Variants in CMSS1 observed in about 807,000 individuals in gnomAD.
CMSS1 encodes cms1 ribosomal small subunit homolog, also known as protein CMSS1.
Under a neutral mutation model 43.5 loss-of-function variants are expected in CMSS1, and 33 were observed. The observed-to-expected ratio is 0.76, with a 90% CI of 0.57 to 1.01. The LOEUF (loss-of-function observed/expected upper bound fraction) is 1.01. Among genes scored for constraint, CMSS1 ranks in the 50% least tolerant of loss-of-function variants. The probability of loss-of-function intolerance (pLI) is 0.00; values close to 1 mark genes in which losing one functional copy is unlikely to be tolerated. For synonymous variants in CMSS1, 115 were observed against 117.2 expected, an observed-to-expected ratio of 0.98 and a Z score of 0.12; for missense variants, 313 against 326.4, an observed-to-expected ratio of 0.96 and a Z score of 0.32.
intron 1 of CMSS1, among the ~76,000 whole-genome samples, chr3:100,074,212 A>G (rs1036835440): frequency 6.6e-6 from 1 of 152,146 alleles, no homozygotes; most frequent in African/African-American, 2.4e-5. Context: ...AGAGCTCTAA[A>G]TCTGACAGCC....
intron 1 of CMSS1, chr3:99,924,369 G>A (rs757041273): frequency 3.0e-5 from 48 of 1,613,916 alleles, no homozygotes; most frequent in Non-Finnish European, 3.1e-5. Context: ...CCCAGGATTC[G>A]TCTGTAAGAT....
At chr3:100,154,509 T>C (rs1176955384) in intron 2 of CMSS1, among the ~76,000 whole-genome samples, 1 of 152,264 alleles carries the variant, frequency 6.6e-6, no homozygotes, top group Non-Finnish European at 1.5e-5. Flanking sequence ...GGCCTTTTAA[T>C]GTTTGACATT....
At chr3:100,109,247 C>T (rs960527247) in intron 1 of CMSS1, among the ~76,000 whole-genome samples, 1 of 151,984 alleles carries the variant, frequency 6.6e-6, no homozygotes, top group Non-Finnish European at 1.5e-5. Flanking sequence ...TGAAAATCTG[C>T]AAGAATTCCA....
chr3:100,066,517 CTTTTTTTTTTTTTTTT>C (rs545356638), intron 1 of CMSS1, among the ~76,000 whole-genome samples: 1 of 38,304 alleles, frequency 2.6e-5, no homozygotes, highest in Non-Finnish European at 4.4e-5. Context: ...GGCTTTGCTT[CTTTTTTTTTTTTTTTT>C]TTTTTTTTTT....
In CMSS1 at chr3:99,983,389, A is replaced by AATATGT. The variant is rs1553702701; in HGVS notation, c.65-163580_65-163579insGTATAT. ...TCTCTACTTAAAAAATAAATAAATAAATATATATATATATATATATATATA... is the reference window on the plus strand; with the variant it reads ...TCTCTACTTAAAAAATAAATAAATAAATATGTATATATATATATATATATATATATA... On this transcript the variant is annotated intron_variant, in intron 1 of 9. Transcript: ENST00000421999. Among the ~76,000 whole-genome samples the AATATGT allele has an allele frequency of 2.8e-3, 116 of 40,800 alleles. 6 individuals are homozygous for AATATGT. The highest frequency in any genetic ancestry group is 3.8e-3 in the Non-Finnish European group (85 of 22,288). The allele number at this position is 40,800 out of a possible 152,430, so 26.8% of individuals were successfully genotyped here. A position where few individuals can be genotyped will look rare whatever the true frequency, so the allele number is the denominator to read the frequency against.
chr3:99,994,789 G>T (rs769727866), intron 1 of CMSS1, among the ~76,000 whole-genome samples: 16 of 152,276 alleles, frequency 1.1e-4, no homozygotes, highest in Non-Finnish European at 2.1e-4. Context: ...AAATGAGGAA[G>T]ATGCAAAAGC....
chr3:100,141,518 T>A (rs1369688704), intron 1 of CMSS1: 4 of 456,092 alleles, frequency 8.8e-6, no homozygotes, highest in Admixed American at 2.4e-5. Context: ...GACTGTATGA[T>A]CCCATTGCCA....
intron 1 of CMSS1, among the ~76,000 whole-genome samples, chr3:100,018,538 A>G (rs1165118668): frequency 4.6e-5 from 7 of 152,138 alleles, no homozygotes; most frequent in Non-Finnish European, 1.0e-4. Flanking sequence ...ATCTCACACC[A>G]TCTACGAAAA....
intron 1 of CMSS1, among the ~76,000 whole-genome samples, chr3:99,867,340 A>G (rs113811833): frequency 0.019 from 2,917 of 152,206 alleles, 87 homozygotes; most frequent in African/African-American, 0.066. Flanking sequence ...AATACCATCC[A>G]TTTTTGCCCT....
chr3:100,152,284 G>A (rs986184449), intron 2 of CMSS1, among the ~76,000 whole-genome samples: 6 of 150,640 alleles, frequency 4.0e-5, no homozygotes, highest in East Asian at 1.9e-4. Flanking sequence ...AGAATTCTCC[G>A]TGTCCAAAGG....
At chr3:99,921,584 A>G (rs1707125422) in intron 1 of CMSS1, among the ~76,000 whole-genome samples, 1 of 152,234 alleles carries the variant, frequency 6.6e-6, no homozygotes, top group South Asian at 2.1e-4. Context: ...TCCTTGGCAT[A>G]TAGAAATAGA....
At chr3:99,954,753 G>C (rs1317685366) in intron 1 of CMSS1, among the ~76,000 whole-genome samples, 8 of 152,034 alleles carry the variant, frequency 5.3e-5, no homozygotes, top group African/African-American at 1.4e-4. Flanking sequence ...TTGAACCCGG[G>C]AGGTGGAGAT....
intron 1 of CMSS1, among the ~76,000 whole-genome samples, chr3:100,061,306 G>A (rs568004634): frequency 1.3e-5 from 2 of 152,348 alleles, no homozygotes; most frequent in Non-Finnish European, 2.9e-5. Context: ...CAGATGGGGT[G>A]AGTCCAAGTT....
intron 1 of CMSS1, among the ~76,000 whole-genome samples, chr3:99,952,807 C>T (rs1219199986): frequency 6.6e-6 from 1 of 152,096 alleles, no homozygotes; most frequent in African/African-American, 2.4e-5. Context: ...GAAAACGTGT[C>T]TTACAGATTT....
chr3:100,162,560 C>G (rs2067033620), intron 4 of CMSS1, 128 bp downstream of exon 4: 2 of 979,990 alleles, frequency 2.0e-6, no homozygotes. Context: ...ATAATCCCAG[C>G]ACTTTGGGAG....
At chr3:100,015,822 G>A (rs542841724) in intron 1 of CMSS1, among the ~76,000 whole-genome samples, 45 of 152,316 alleles carry the variant, frequency 3.0e-4, no homozygotes, top group African/African-American at 1.0e-3. Flanking sequence ...ACTACTGAAT[G>A]TAAAATAATC....
chr3:100,003,772 G>C (rs1447724799), intron 1 of CMSS1, among the ~76,000 whole-genome samples: 1 of 152,108 alleles, frequency 6.6e-6, no homozygotes, highest in East Asian at 1.9e-4. Context: ...TAAAAGTCAA[G>C]AGCATAGACA....
intron 1 of CMSS1, among the ~76,000 whole-genome samples, chr3:99,942,971 C>G (rs1478561694): frequency 6.6e-6 from 1 of 152,044 alleles, no homozygotes; most frequent in African/African-American, 2.4e-5. Flanking sequence ...AAACTATGTC[C>G]CAGGAGCCAA....
intron 1 of CMSS1, chr3:100,041,300 A>T (rs543413911): frequency 1.3e-5 from 2 of 152,338 alleles, no homozygotes; most frequent in South Asian, 4.1e-4. Context: ...TAGAAAAGCA[A>T]AATTATGATG....
Sources: gnomAD v4.1 joint callset for allele counts (sites outside exome capture counted in the v4.1 genomes callset) on GRCh38, gnomAD v4.1.1 for gene constraint, MANE v1.5 for transcripts, NCBI Gene and HGNC (gene_info 2026-07-23, HGNC 2026-07-21) for gene names.